Variants in SESN3 observed in about 807,000 individuals in gnomAD.
SESN3 encodes the protein sestrin-3.
Under a neutral mutation model 55.3 loss-of-function variants are expected in SESN3, and 21 were observed. The observed-to-expected ratio is 0.38, with a 90% confidence interval of 0.27 to 0.55. The LOEUF is 0.55. SESN3 is among the 20% of genes least tolerant of loss of function. The probability of loss-of-function intolerance (pLI) is 0.76; values close to 1 mark genes in which losing one functional copy is unlikely to be tolerated. For missense variants in SESN3, 408 were observed against 604.3 expected, an observed-to-expected ratio of 0.68 and a Z score of 3.41; for synonymous variants, 181 against 203.1, an observed-to-expected ratio of 0.89 and a Z score of 0.93.
At chr11:95,184,056 G>GT (rs1245745174) in intron 6 of SESN3, 53 of 283,292 alleles carry the variant, frequency 1.9e-4, no homozygotes, top group Non-Finnish European at 1.9e-4. Context: ...AAAAAAGGCA[G>GT]TTTTTTTTAA....
intron 8 of SESN3, among the ~76,000 whole-genome samples, chr11:95,176,308 A>G (rs184096474): frequency 2.0e-5 from 3 of 152,338 alleles, no homozygotes; most frequent in East Asian, 1.9e-4. Flanking sequence ...ATTTTGTCAG[A>G]GATTTGCTTC....
chr11:95,188,945 TCA>T (rs1378190738), intron 4 of SESN3, among the ~76,000 whole-genome samples: 1 of 151,886 alleles, frequency 6.6e-6, no homozygotes, highest in Non-Finnish European at 1.5e-5. Context: ...GCATCATGCT[TCA>T]CAGTTTCCCA....
At chr11:95,205,071 G>C (rs542493943) in intron 1 of SESN3, among the ~76,000 whole-genome samples, 1 of 152,234 alleles carries the variant, frequency 6.6e-6, no homozygotes, top group South Asian at 2.1e-4. Context: ...AGGATACGTA[G>C]AAAAGGATAG....
intron 6 of SESN3, among the ~76,000 whole-genome samples, chr11:95,179,257 C>A (rs555120489): frequency 2.0e-5 from 3 of 151,768 alleles, no homozygotes; most frequent in African/African-American, 7.3e-5. Context: ...TGGGTTCAAG[C>A]GATTCTTCTG....
chr11:95,200,174 T>C (rs1860435638), intron 1 of SESN3, among the ~76,000 whole-genome samples: 1 of 152,002 alleles, frequency 6.6e-6, no homozygotes. Context: ...GACAAAAAAG[T>C]AGGTATAAAC....
At position 95,230,764 on chromosome 11, in the gene SESN3, C is replaced by A; in HGVS notation, c.78+19G>T. ...CAGGAAGCGACCCTCGCCGGCAGGA[C>A]CCCGGGCCGAACCCGTACCTTCCGC... On this transcript the variant is annotated intron_variant, in intron 1 of 9. Coordinates refer to ENST00000536441, the MANE Select transcript of SESN3 (RefSeq NM_144665.4). The surrounding 1 kb of genome is among the most constrained non-coding windows in gnomAD (Gnocchi z 4.6). 6.3e-7 allele frequency: 1 copy of A among 1,599,672 alleles called. No individual in the cohort carries two copies. Among genetic ancestry groups the A allele is most frequent in the Non-Finnish European group, 8.5e-7 (1 of 1,172,880 alleles).
Position 95,230,975 on chromosome 11 carries a change from C to T in SESN3, c.-115G>A, listed in dbSNP as rs1861049824. On this transcript the variant is annotated 5_prime_UTR_variant, in exon 1 of 10. Coordinates refer to ENST00000536441, the MANE Select transcript of SESN3 (RefSeq NM_144665.4). The surrounding 1 kb of genome is among the most constrained non-coding windows in gnomAD (Gnocchi z 4.6). Reference sequence around the variant, plus strand: ...GCCAGCCGCGATTCCGCCTCAGCCTCCTCAAGGCGGGATGTCGGGAGGAGA... The same window carrying T: ...GCCAGCCGCGATTCCGCCTCAGCCTTCTCAAGGCGGGATGTCGGGAGGAGA... 3.2e-6 allele frequency: 2 copies of T among 618,418 alleles called. 1 individual carries two copies. The highest frequency in any genetic ancestry group is 6.2e-5 in the South Asian group (2 of 32,076). 38.3% of individuals were successfully genotyped at this position (618,418 alleles called of 1,614,324 possible).
chr11:95,216,258 TAGAACA>T (rs998777815), intron 1 of SESN3, among the ~76,000 whole-genome samples: 22 of 152,084 alleles, frequency 1.4e-4, no homozygotes, highest in Non-Finnish European at 2.5e-4. Context: ...ACTATAAAGG[TAGAACA>T]AAAAGAAATG....
At chr11:95,229,287 G>T (rs538141305) in intron 1 of SESN3, among the ~76,000 whole-genome samples, 95 of 152,276 alleles carry the variant, frequency 6.2e-4, no homozygotes, top group African/African-American at 2.2e-3. Context: ...CTGCACTTCT[G>T]ATCCATTACA....
At position 95,177,799 on chromosome 11, in the gene SESN3, A is replaced by G; in HGVS notation, c.1167T>C (p.Thr389=). ...TGTCAACATCCTCATGGGTGGCCATAGTGTTATATGTGAGATTGTAGACCA... is the reference window on the plus strand; with the variant it reads ...TGTCAACATCCTCATGGGTGGCCATGGTGTTATATGTGAGATTGTAGACCA... The part of the protein sequence containing the change: ...FRMVYNLTYN[T]MATHEDVDTT... The change falls in exon 8 of 10, where the codon ACT becomes ACC. Residue 389 remains threonine, a synonymous_variant. Transcript: ENST00000536441. 2 of 1,610,076 alleles carry G rather than the reference A, an allele frequency of 1.2e-6. No individual in the cohort carries two copies. The highest frequency in any genetic ancestry group is 1.3e-5 in the African/African-American group (1 of 74,638).
intron 1 of SESN3, among the ~76,000 whole-genome samples, chr11:95,195,712 T>C (rs1360846110): frequency 6.6e-6 from 1 of 152,164 alleles, no homozygotes; most frequent in Non-Finnish European, 1.5e-5. Context: ...TGGGACATAT[T>C]TTGTTGTGTT....
Position 95,193,490 on chromosome 11 carries a change from T to C in SESN3, c.111A>G (p.Thr37=), listed in dbSNP as rs768712883. 30 of 1,596,600 alleles carry C rather than the reference T, an allele frequency of 1.9e-5. No homozygotes were observed. The highest frequency in any genetic ancestry group is 2.6e-5 in the Non-Finnish European group (30 of 1,165,260). ...DKRIRVSQPL[T]RGPSAFIPEK... is the part of the protein sequence containing the mutation. ...CTGGAATAAAGGCACTTGGTCCTCT[T>C]GTCAAGGGTTGAGACACTCTGATTC... Residue 37 remains threonine, a synonymous_variant, in exon 2 of 10, where the codon ACA becomes ACG. Coordinates refer to ENST00000536441, the MANE Select transcript of SESN3 (RefSeq NM_144665.4).
chr11:95,196,445 T>C (rs1014383112), intron 1 of SESN3, among the ~76,000 whole-genome samples: 1 of 152,046 alleles, frequency 6.6e-6, no homozygotes, highest in Non-Finnish European at 1.5e-5. Context: ...TAGTACTATA[T>C]CCAAAAGATT....
chr11:95,216,937 C>T (rs1003608940), intron 1 of SESN3, among the ~76,000 whole-genome samples: 1 of 151,634 alleles, frequency 6.6e-6, no homozygotes, highest in Non-Finnish European at 1.5e-5. Context: ...GAAACCCTGT[C>T]TCTACTAAAA....
intron 1 of SESN3, among the ~76,000 whole-genome samples, chr11:95,198,992 C>T (rs192479301): frequency 6.6e-6 from 1 of 151,960 alleles, no homozygotes; most frequent in Non-Finnish European, 1.5e-5. Context: ...CCAATAAAAC[C>T]AACCAATTAA....
chr11:95,199,030 C>A (rs1329364814), intron 1 of SESN3, among the ~76,000 whole-genome samples: 1 of 151,980 alleles, frequency 6.6e-6, no homozygotes. Context: ...TTGAGAGATA[C>A]CATTCTTCAG....
intron 1 of SESN3, among the ~76,000 whole-genome samples, chr11:95,221,175 G>A (rs1860850532): frequency 6.6e-6 from 1 of 152,048 alleles, no homozygotes; most frequent in South Asian, 2.1e-4. Context: ...ATGGTGGTGG[G>A]TGCTTGTAAT....
chr11:95,175,508 T>G lies in SESN3; in HGVS notation c.1382A>C (p.His461Pro). ...MYDSYWRQFK[H>P]SEKVHVNLLL... ...TACTGAAACACGTACTTTTTCTGAG[T>G]GTTTGAACTGCCGCCAGTAACTATC... The change falls in exon 9 of 10, where the codon CAC becomes CCC. Residue 461 changes from histidine to proline, a missense_variant. His to Pro is a moderately conservative substitution (Grantham distance 77, BLOSUM62 -2). Coordinates refer to ENST00000536441, the MANE Select transcript of SESN3 (RefSeq NM_144665.4). The G allele has an allele frequency of 6.2e-7, 1 of 1,613,842 alleles. No homozygotes were observed. Among genetic ancestry groups the G allele is most frequent in the Non-Finnish European group, 8.5e-7 (1 of 1,179,778 alleles).
rs2508787 is a variant in SESN3, at chr11:95,217,648, G to T, written c.78+13135C>A. Among the ~76,000 whole-genome samples, 3 of 25,646 alleles carry T rather than the reference G, an allele frequency of 1.2e-4. No individual in the cohort carries two copies. In the South Asian group the frequency reaches 8.4e-3, roughly 72 times the overall value. The allele number at this position is 25,646 out of a possible 152,430, so 16.8% of individuals were successfully genotyped here. On this transcript the variant is annotated intron_variant, in intron 1 of 9. Coordinates refer to ENST00000536441, the MANE Select transcript of SESN3 (RefSeq NM_144665.4). The stretch of plus-strand genomic sequence containing the variant: ...GCCTGGGCGACAAGAGCCAGACTCC[G>T]TTTAAAAAAAAAAAAAAAAAGCTTA...
Sources: gnomAD v4.1 joint callset for allele counts (sites outside exome capture counted in the v4.1 genomes callset) on GRCh38, gnomAD v4.1.1 for gene constraint, Gnocchi (gnomAD v3.1) non-coding constraint, MANE v1.5 for transcripts, NCBI Gene and HGNC (gene_info 2026-07-23, HGNC 2026-07-21) for gene names.